The following ELAPOR1 variants were observed in gnomAD, a reference collection of about 807,000 sequenced individuals.
ELAPOR1 encodes the protein endosome/lysosome-associated apoptosis and autophagy regulator 1.
Under a neutral mutation model 119.7 loss-of-function variants are expected in ELAPOR1, and 77 were observed. The observed-to-expected ratio is 0.64, with a 90% CI of 0.54 to 0.78. ELAPOR1 has a LOEUF of 0.78. Among genes scored for constraint, ELAPOR1 ranks in the 30% least tolerant of loss-of-function variants. The pLI is 0.00. For missense variants in ELAPOR1, 1,115 were observed against 1,270.4 expected, an observed-to-expected ratio of 0.88 and a Z score of 1.86; for synonymous variants, 481 against 487.2, an observed-to-expected ratio of 0.99 and a Z score of 0.17.
chr1:109,147,863 T>C (rs1467168816), intron 1 of ELAPOR1, among the ~76,000 whole-genome samples: 3 of 151,874 alleles, frequency 2.0e-5, no homozygotes, highest in African/African-American at 7.3e-5. Flanking sequence ...GGAGTCTTGC[T>C]CTGTTGCCCA....
chr1:109,201,258 G>A, intron 21 of ELAPOR1: 1 of 456,168 alleles, frequency 2.2e-6, no homozygotes, highest in Non-Finnish European at 4.4e-6. Context: ...GGTGATCTCT[G>A]GGATCAACTT....
At chr1:109,114,483 C>T (rs764716263) in intron 1 of ELAPOR1, 147 bp downstream of exon 1, 3 of 952,708 alleles carry the variant, frequency 3.1e-6, no homozygotes, top group African/African-American at 1.7e-5. Flanking sequence ...GGAAGAGGAG[C>T]CAGTCTGGCG....
At chr1:109,180,482 G>A (rs1398322339) in intron 7 of ELAPOR1, among the ~76,000 whole-genome samples, 2 of 144,420 alleles carry the variant, frequency 1.4e-5, no homozygotes, top group African/African-American at 5.1e-5. Context: ...CTCCGGCCTG[G>A]GCATCAGAAC....
intron 7 of ELAPOR1, among the ~76,000 whole-genome samples, chr1:109,179,557 T>G (rs529354716): frequency 7.3e-4 from 111 of 152,290 alleles, no homozygotes; most frequent in African/African-American, 2.6e-3. Context: ...GCAGTCCTTC[T>G]GTGCTATTGT....
In ELAPOR1 at chr1:109,162,009, A is replaced by C; in HGVS notation, c.269A>C (p.Glu90Ala). The C allele has an allele frequency of 6.2e-7, 1 of 1,611,580 alleles. No individual in the cohort carries two copies. The highest frequency in any genetic ancestry group is 8.5e-7 in the Non-Finnish European group (1 of 1,178,132). ...CTGCCTGACCCCATCAAGGGCACCG[A>C]GTGCTGTAAGCAGCTATCCTGCTCA... The part of the protein sequence containing the change: ...TSLPDPIKGT[E>A]CSFSCNAGEF... Residue 90 changes from glutamate (E) to alanine (A), a missense_variant, in exon 2 of 22, where the codon GAG (glutamate) becomes GCG (alanine). Physicochemically the swap from Glu to Ala is moderately radical, Grantham distance 107. Transcript: ENST00000369939.
intron 15 of ELAPOR1, 49 bp from the exon 16 acceptor site, chr1:109,197,425 C>T: frequency 6.4e-7 from 1 of 1,553,378 alleles, no homozygotes; most frequent in Non-Finnish European, 8.8e-7. Flanking sequence ...GGGAATTCCT[C>T]TGTGACCACT....
At chr1:109,191,277 G>A (rs1305541961) in intron 11 of ELAPOR1, 89 bp from the exon 12 acceptor site, 1 of 845,092 alleles carries the variant, frequency 1.2e-6, no homozygotes, top group African/African-American at 1.7e-5. Flanking sequence ...ACTTAACCCT[G>A]TCCCCCAGCA....
intron 3 of ELAPOR1, among the ~76,000 whole-genome samples, chr1:109,168,113 A>C: frequency 1.3e-5 from 2 of 150,296 alleles, no homozygotes; most frequent in East Asian, 2.0e-4. Context: ...TGACCATCAC[A>C]CTCCTTCCCC....
intron 7 of ELAPOR1, among the ~76,000 whole-genome samples, chr1:109,177,180 G>A (rs1213047998): frequency 2.7e-5 from 4 of 150,048 alleles, no homozygotes; most frequent in South Asian, 2.1e-4. Context: ...CAGTAGGGGC[G>A]GCCGGGCAGA....
intron 1 of ELAPOR1, among the ~76,000 whole-genome samples, chr1:109,156,998 C>G (rs868731903): frequency 6.6e-6 from 1 of 152,214 alleles, no homozygotes; most frequent in Non-Finnish European, 1.5e-5. Context: ...CAATAGATGT[C>G]TTTGTTGAAC....
At chr1:109,142,031 G>A (rs1216556239) in intron 1 of ELAPOR1, among the ~76,000 whole-genome samples, 1 of 152,032 alleles carries the variant, frequency 6.6e-6, no homozygotes. Context: ...TTGGGTCTGA[G>A]GTGCCTGTGG....
At chr1:109,121,985 G>A (rs1033468329) in intron 1 of ELAPOR1, among the ~76,000 whole-genome samples, 2 of 151,568 alleles carry the variant, frequency 1.3e-5, no homozygotes, top group African/African-American at 4.9e-5. Context: ...TATTGGCTAG[G>A]CTGATCTCAA....
At chr1:109,131,902 A>G (rs1649171346) in intron 1 of ELAPOR1, among the ~76,000 whole-genome samples, 1 of 152,166 alleles carries the variant, frequency 6.6e-6, no homozygotes, top group Non-Finnish European at 1.5e-5. Flanking sequence ...CAGGTTGTCC[A>G]GGGTCACTTT....
At chr1:109,180,162 C>A (rs74113777) in intron 7 of ELAPOR1, among the ~76,000 whole-genome samples, 2,447 of 152,256 alleles carry the variant, frequency 0.016, 54 homozygotes, top group African/African-American at 0.054. Context: ...AAAATTTGAT[C>A]ATTAGGTTTA....
At chr1:109,139,864 C>T (rs144133664) in intron 1 of ELAPOR1, among the ~76,000 whole-genome samples, 10 of 152,096 alleles carry the variant, frequency 6.6e-5, no homozygotes, top group Non-Finnish European at 1.2e-4. Flanking sequence ...CTCTGACTCC[C>T]GGGCTCAAGC....
chr1:109,130,985 C>T (rs1032340391), intron 1 of ELAPOR1, among the ~76,000 whole-genome samples: 16 of 152,236 alleles, frequency 1.1e-4, no homozygotes, highest in African/African-American at 3.6e-4. Context: ...AAATAAATAC[C>T]AAATACTTAC....
At chr1:109,130,331 G>T (rs778300836) in intron 1 of ELAPOR1, among the ~76,000 whole-genome samples, 8 of 152,254 alleles carry the variant, frequency 5.3e-5, no homozygotes, top group African/African-American at 1.7e-4. Flanking sequence ...GTGCCAATGA[G>T]CAGAGAAAAA....
chr1:109,149,461 TTGAA>T (rs1405711691), intron 1 of ELAPOR1, among the ~76,000 whole-genome samples: 2 of 152,098 alleles, frequency 1.3e-5, no homozygotes, highest in African/African-American at 4.8e-5. Context: ...ACAAGGGAGA[TTGAA>T]TGACTGTCCC....
At chr1:109,195,528 A>G (rs1460130945) in intron 15 of ELAPOR1, among the ~76,000 whole-genome samples, 2 of 152,098 alleles carry the variant, frequency 1.3e-5, no homozygotes, top group Admixed American at 1.3e-4. Flanking sequence ...AAAAAACAAA[A>G]CAAACAAAAA....
Sources: gnomAD v4.1 joint callset for allele counts (sites outside exome capture counted in the v4.1 genomes callset) on GRCh38, gnomAD v4.1.1 for gene constraint, MANE v1.5 for transcripts, NCBI Gene and HGNC (gene_info 2026-07-23, HGNC 2026-07-21) for gene names.